The following RSPO1 variants were observed in gnomAD, a reference collection of about 807,000 sequenced individuals.
RSPO1 encodes the protein R-spondin-1.
RSPO1 carries 18 observed loss-of-function variants against 26.0 expected under a neutral mutation model. That is an observed-to-expected ratio of 0.69 (90% CI 0.48 to 1.03). RSPO1 has a LOEUF of 1.03. RSPO1 is among the 50% of genes least tolerant of loss of function. The probability of loss-of-function intolerance (pLI) is 0.00; values close to 1 mark genes in which losing one functional copy is unlikely to be tolerated. For synonymous variants in RSPO1, 133 were observed against 137.4 expected (o/e 0.97, Z 0.22); for missense variants, 309 against 352.3 (o/e 0.88, Z 0.98).
At chr1:37,622,778 T>C (rs886939488) in intron 3 of RSPO1, among the ~76,000 whole-genome samples, 1 of 152,042 alleles carries the variant, frequency 6.6e-6, no homozygotes, top group African/African-American at 2.4e-5. Context: ...TCAGTGATCA[T>C]TGATTAGGTG....
intron 4 of RSPO1, 114 bp from the exon 5 acceptor site, chr1:37,614,447 C>A: frequency 8.2e-7 from 1 of 1,214,494 alleles, no homozygotes; most frequent in East Asian, 2.4e-5. Context: ...GAGGGCAGGA[C>A]CCTGGCCTAG....
intron 3 of RSPO1, among the ~76,000 whole-genome samples, chr1:37,618,158 C>T (rs1233802821): frequency 6.6e-6 from 1 of 152,248 alleles, no homozygotes; most frequent in Non-Finnish European, 1.5e-5. Flanking sequence ...GGAACTTGAA[C>T]TTGAGCCTGC....
intron 3 of RSPO1, among the ~76,000 whole-genome samples, chr1:37,617,539 ATCCCAGCTAC>A (rs892965790): frequency 1.7e-4 from 26 of 152,068 alleles, no homozygotes; most frequent in African/African-American, 6.0e-4. Context: ...CATGCCTGTA[ATCCCAGCTAC>A]TTGAGAGGCT....
chr1:37,627,785 C>T (rs1241248475), intron 3 of RSPO1, among the ~76,000 whole-genome samples: 1 of 152,232 alleles, frequency 6.6e-6, no homozygotes, highest in Non-Finnish European at 1.5e-5. Context: ...ATGGCTATTA[C>T]ATAACAAGTA....
chr1:37,624,932 A>G (rs1644255104), intron 3 of RSPO1, among the ~76,000 whole-genome samples: 1 of 152,172 alleles, frequency 6.6e-6, no homozygotes, highest in Non-Finnish European at 1.5e-5. Context: ...ATGTCGCACT[A>G]TCTCACACCT....
At chr1:37,627,684 CAAAACAAAACTA>C (rs1644298926) in intron 3 of RSPO1, among the ~76,000 whole-genome samples, 5 of 151,686 alleles carry the variant, frequency 3.3e-5, no homozygotes, top group Admixed American at 3.3e-4. Context: ...CAAAACAAAA[CAAAACAAAACTA>C]TATATATATA....
At chr1:37,622,512 A>G (rs1008418002) in intron 3 of RSPO1, among the ~76,000 whole-genome samples, 5 of 152,076 alleles carry the variant, frequency 3.3e-5, no homozygotes, top group African/African-American at 1.2e-4. Flanking sequence ...CCCTGACTCA[A>G]AAAAAAAGAA....
In RSPO1 at chr1:37,629,620, C is replaced by T; in HGVS notation, c.42G>A (p.Trp14Ter). The T allele has an allele frequency of 6.2e-7, 1 of 1,614,136 alleles. No individual in the cohort carries two copies. The highest frequency in any genetic ancestry group is 8.5e-7 in the Non-Finnish European group (1 of 1,180,038). Reference protein sequence around the residue: ...GLCVVALVLSWTHLTISSRGI... With the variant: ...GLCVVALVLS The stretch of plus-strand genomic sequence containing the variant: ...CCCGGCTGCTGATGGTGAGGTGCGT[C>T]CAGCTCAGAACCAGGGCCACCACAC... Residue 14 changes from tryptophan to a stop codon, truncating the protein, a stop_gained, in exon 3 of 7, where the codon TGG becomes TGA. Transcript: ENST00000356545. LOFTEE classifies it high-confidence loss of function.
rs1644044096 is a variant in RSPO1 at position 37,612,769 on chromosome 1, C to T, written c.778G>A (p.Ala260Thr). 4.3e-6 allele frequency: 7 copies of T among 1,611,332 alleles called. No individual in the cohort carries two copies. Among genetic ancestry groups the T allele is most frequent in the Non-Finnish European group, 5.1e-6 (6 of 1,179,996 alleles). ...GGACAGTGTCCCTAGGCAGGCCCTG[C>T]AGATGTGAGTGGCCCCACTGTCCCT... ...QQGTVGPLTS[A>T]GPA Residue 260 changes from alanine (A) to threonine (T), a missense_variant, in exon 7 of 7, where the codon GCA becomes ACA. Physicochemically the swap from Ala to Thr is moderately conservative, Grantham distance 58 (BLOSUM62 0). Transcript: ENST00000356545.
At chr1:37,620,858 T>G (rs906672310) in intron 3 of RSPO1, among the ~76,000 whole-genome samples, 21 of 152,110 alleles carry the variant, frequency 1.4e-4, no homozygotes, top group African/African-American at 4.8e-4. Flanking sequence ...TATTAAATTG[T>G]CTATGACTCA....
rs954262573 is a variant in RSPO1, at chr1:37,634,763, C to A, written c.-553G>T. ...GGCGCATCGGTCCTCCGGGGCGGCT[C>A]GGAGCTGCCCTCGTTCTCCGCAGCA... is the stretch of plus-strand genomic sequence containing the variant. On this transcript the variant is annotated 5_prime_UTR_variant, in exon 1 of 7. Coordinates refer to ENST00000356545, the MANE Select transcript of RSPO1 (RefSeq NM_001242908.2). This position sits in a 1 kb window ranked among gnomAD's most constrained non-coding sequence, Gnocchi z 4.7. 1 of 152,278 alleles carries A rather than the reference C, an allele frequency of 6.6e-6. No individual in the cohort carries two copies. Among genetic ancestry groups the A allele is most frequent in the African/African-American group, 2.4e-5 (1 of 41,468 alleles). The allele number at this position is 152,278 out of a possible 1,614,324, so 9.4% of individuals were successfully genotyped here.
At position 37,611,951 on chromosome 1, in the gene RSPO1, CTGAG is replaced by C. The variant is rs1180392420; in HGVS notation, c.*800_*803del. ...GACAACACTGCTGCCGGGCCATGCT[CTGAG>C]TAACAAGGATATAGACAGCCTGTTT... On this transcript the variant is annotated 3_prime_UTR_variant, in exon 7 of 7. Coordinates refer to ENST00000356545, the MANE Select transcript of RSPO1 (RefSeq NM_001242908.2). 1 of 152,226 alleles carries C rather than the reference CTGAG, an allele frequency of 6.6e-6. No individual in the cohort carries two copies. The allele number at this position is 152,226 out of a possible 1,614,324, so 9.4% of individuals were successfully genotyped here. A position where few individuals can be genotyped will look rare whatever the true frequency, so the allele number is the denominator to read the frequency against.
At chr1:37,630,163 G>A (rs547162801) in intron 2 of RSPO1, among the ~76,000 whole-genome samples, 1 of 152,176 alleles carries the variant, frequency 6.6e-6, no homozygotes, top group Non-Finnish European at 1.5e-5. Context: ...CCAGAATATG[G>A]CAGACATTCA....
chr1:37,625,872 T>G (rs769073836), intron 3 of RSPO1, among the ~76,000 whole-genome samples: 3 of 152,132 alleles, frequency 2.0e-5, no homozygotes, highest in Non-Finnish European at 2.9e-5. Context: ...GGAGACAAGC[T>G]TTCGCCATGT....
chr1:37,632,277 C>A lies in RSPO1; in HGVS notation c.-289+10G>T, dbSNP rs1425480084. The A allele has an allele frequency of 2.0e-5, 3 of 152,254 alleles. No individual in the cohort carries two copies. Among genetic ancestry groups the A allele is most frequent in the Admixed American group, 2.0e-4 (3 of 15,274 alleles). The allele number at this position is 152,254 out of a possible 1,614,324, so 9.4% of individuals were successfully genotyped here. The stretch of plus-strand genomic sequence containing the variant: ...GGTCCTAGTTTTCAGCTGACCCCTG[C>A]CACACTCACCCAGTCCTTGCCAGCG... On this transcript the variant is annotated intron_variant, in intron 2 of 6. Coordinates refer to ENST00000356545, the MANE Select transcript of RSPO1 (RefSeq NM_001242908.2).
chr1:37,613,809 C>T lies in RSPO1; in HGVS notation c.520G>A (p.Glu174Lys). 1 of 1,614,020 alleles carries T rather than the reference C, an allele frequency of 6.2e-7. No homozygotes were observed. Among genetic ancestry groups the T allele is most frequent in the Non-Finnish European group, 8.5e-7 (1 of 1,180,012 alleles). The change falls in exon 6 of 7, where the codon GAG becomes AAG. Residue 174 changes from glutamate to lysine, a missense_variant. Transcript: ENST00000356545. The surrounding 1 kb of genome is among the most constrained non-coding windows in gnomAD (Gnocchi z 4.5). ...GCATGTAGCACCCTGCGTGTCCGCT[C>T]CTCGGAGCCCCTCCGGAAACCACAG... ...QLCGFRRGSE[E>K]RTRRVLHAPV...
chr1:37,618,620 A>G lies in RSPO1; in HGVS notation c.95-1945T>C, dbSNP rs549359782. ...AATTATGTTCCACAGGGATAGAGGG[A>G]AAAAAGACAGATTTGAGAGATGCTT... On this transcript the variant is annotated intron_variant, in intron 3 of 6. Coordinates refer to ENST00000356545, the MANE Select transcript of RSPO1 (RefSeq NM_001242908.2). 3.3e-5 allele frequency among the ~76,000 whole-genome samples: 5 copies of G among 152,280 alleles called. No homozygotes were observed. The East Asian group carries it at 7.7e-4, about 23-fold the overall frequency.
At chr1:37,627,675 A>G (rs1169970281) in intron 3 of RSPO1, among the ~76,000 whole-genome samples, 1 of 151,788 alleles carries the variant, frequency 6.6e-6, no homozygotes, top group African/African-American at 2.4e-5. Context: ...AAAACAAAAC[A>G]AAACAAAACA....
Position 37,612,678 on chromosome 1 carries a change from T to G in RSPO1, c.*77A>C. 2 of 1,512,920 alleles carry G rather than the reference T, an allele frequency of 1.3e-6. No individual in the cohort carries two copies. The highest frequency in any genetic ancestry group is 1.8e-6 in the Non-Finnish European group (2 of 1,100,904). 93.7% of individuals were successfully genotyped at this position (1,512,920 alleles called of 1,614,324 possible). ...TGTGTGTATGCTTTGCCCCCGACGT[T>G]CCAGTTCAGGAAAGCTTGAATCACG... On this transcript the variant is annotated 3_prime_UTR_variant, in exon 7 of 7. Transcript: ENST00000356545.
Sources: gnomAD v4.1 joint callset for allele counts (sites outside exome capture counted in the v4.1 genomes callset) on GRCh38, gnomAD v4.1.1 for gene constraint, Gnocchi (gnomAD v3.1) non-coding constraint, MANE v1.5 for transcripts, NCBI Gene and HGNC (gene_info 2026-07-23, HGNC 2026-07-21) for gene names.